The following CCDC171 variants were observed in gnomAD, a reference collection of about 807,000 sequenced individuals.
The protein encoded by CCDC171 is coiled-coil domain containing 171, also known as coiled-coil domain-containing protein 171.
In CCDC171, 177 loss-of-function variants were observed where a neutral mutation model predicts 168.2. The observed-to-expected ratio is 1.05, with a 90% confidence interval of 0.93 to 1.19. CCDC171 has a LOEUF of 1.19. CCDC171 is among the 50% of genes most tolerant of loss of function. CCDC171 has a pLI of 0.00. For missense variants in CCDC171, 1,991 were observed against 1,539.0 expected, an observed-to-expected ratio of 1.29 and a Z score of -4.91; for synonymous variants, 687 against 540.8, an observed-to-expected ratio of 1.27 and a Z score of -3.75.
chr9:16,033,315 A>G (rs931456248), intron 6 of CCDC171, among the ~76,000 whole-genome samples: 4 of 152,216 alleles, frequency 2.6e-5, no homozygotes, highest in African/African-American at 9.6e-5. Context: ...GGTGAGTGGC[A>G]GGAGAGTGAT....
intron 18 of CCDC171, among the ~76,000 whole-genome samples, chr9:15,751,124 A>G (rs937763736): frequency 2.0e-5 from 3 of 152,208 alleles, no homozygotes; most frequent in Admixed American, 2.0e-4. Flanking sequence ...ATTCCTATAC[A>G]CCAGTAACAG....
At chr9:15,704,852 C>T (rs780299307) in intron 11 of CCDC171, among the ~76,000 whole-genome samples, 50 of 152,000 alleles carry the variant, frequency 3.3e-4, no homozygotes, top group Non-Finnish European at 7.1e-4. Context: ...CACCTTGTTT[C>T]CTAATGCCTC....
downstream of CCDC171, among the ~76,000 whole-genome samples, chr9:15,975,073 C>T (rs1031506162): frequency 1.1e-4 from 17 of 152,206 alleles, no homozygotes; most frequent in East Asian, 2.7e-3. Context: ...CCTCACTGTG[C>T]ACTTTTTATA....
intron 7 of CCDC171, among the ~76,000 whole-genome samples, chr9:15,646,488 T>G (rs1341114497): frequency 6.6e-6 from 1 of 152,204 alleles, no homozygotes; most frequent in Non-Finnish European, 1.5e-5. Context: ...CCCATCAGTG[T>G]GCTGTATTCA....
the CCDC171 span, among the ~76,000 whole-genome samples, chr9:16,083,445 A>G: frequency 2.0e-5 from 3 of 152,230 alleles, no homozygotes; most frequent in Non-Finnish European, 4.4e-5. Context: ...GATCACATCC[A>G]GAATATTTCC....
chr9:15,846,701 G>T lies in CCDC171; in HGVS notation c.3268-1G>T, dbSNP rs755383299. On this transcript the variant is annotated splice_acceptor_variant, in intron 21 of 25. Coordinates refer to ENST00000380701, the MANE Select transcript of CCDC171 (RefSeq NM_173550.4). LOFTEE classifies it high-confidence loss of function. ...TAACTCTGTTTTCTGTCTGCTTGCA[G>T]AGTCTCTCCGAGGCAAAGATGGAGC... is the stretch of plus-strand genomic sequence containing the variant. The T allele has an allele frequency of 1.2e-6, 2 of 1,612,396 alleles. No homozygotes were observed. The highest frequency in any genetic ancestry group is 4.5e-5 in the East Asian group (2 of 44,846).
intron 4 of CCDC171, chr9:15,588,467 A>G (rs530756930): frequency 6.8e-6 from 2 of 295,664 alleles, no homozygotes; most frequent in East Asian, 2.1e-4. Flanking sequence ...CGCAAGCCCA[A>G]AAAGCCTTCT....
At chr9:15,574,579 G>A (rs1370070359) in intron 3 of CCDC171, among the ~76,000 whole-genome samples, 1 of 152,164 alleles carries the variant, frequency 6.6e-6, no homozygotes, top group African/African-American at 2.4e-5. Flanking sequence ...GAGCCACTGT[G>A]CCTGGCCTTC....
the CCDC171 span, among the ~76,000 whole-genome samples, chr9:16,079,210 G>C: frequency 6.6e-6 from 1 of 152,154 alleles, no homozygotes; most frequent in Non-Finnish European, 1.5e-5. Context: ...TCTGATCCAC[G>C]GGCCATCTGA....
At position 15,744,315 on chromosome 9, in the gene CCDC171, C is replaced by G. The variant is rs769364469; in HGVS notation, c.2092C>G (p.His698Asp). Residue 698 changes from histidine to aspartate, a missense_variant, in exon 17 of 26, where the codon CAT becomes GAT. By Grantham distance (81) the His-to-Asp change is moderately conservative (BLOSUM62 -1). Transcript: ENST00000380701. ...TGAAAAAAACATGGAAAAATTGAACCATATTGAGAAGTCACATGAACAGTT... is the reference window on the plus strand; with the variant it reads ...TGAAAAAAACATGGAAAAATTGAACGATATTGAGAAGTCACATGAACAGTT... ...IAEKNMEKLN[H>D]IEKSHEQLVL... The G allele has an allele frequency of 4.3e-5, 69 of 1,593,138 alleles. No individual in the cohort carries two copies. The highest frequency in any genetic ancestry group is 5.9e-5 in the Non-Finnish European group (69 of 1,173,236).
intron 14 of CCDC171, among the ~76,000 whole-genome samples, chr9:15,726,708 A>G (rs2053827187): frequency 1.3e-5 from 2 of 152,104 alleles, no homozygotes; most frequent in Non-Finnish European, 1.5e-5. Flanking sequence ...TATAATTTCT[A>G]ATTATAAAAC....
upstream of CCDC171, chr9:16,042,778 T>C (rs891261556): frequency 2.0e-5 from 3 of 152,204 alleles, no homozygotes; most frequent in African/African-American, 4.8e-5. Flanking sequence ...AACTCTTTTT[T>C]TTGTTTTCAT....
At chr9:15,984,726 T>C (rs1043888177) in intron 3 of CCDC171, among the ~76,000 whole-genome samples, 2 of 152,122 alleles carry the variant, frequency 1.3e-5, no homozygotes, top group African/African-American at 4.8e-5. Flanking sequence ...ATTTGATATT[T>C]GATGAAAAGG....
At chr9:15,905,408 G>A (rs1450390629) in intron 24 of CCDC171, among the ~76,000 whole-genome samples, 1 of 152,130 alleles carries the variant, frequency 6.6e-6, no homozygotes, top group African/African-American at 2.4e-5. Context: ...TGAACAACCT[G>A]CTCCTGAATG....
chr9:15,788,663 C>T (rs1035782211), intron 21 of CCDC171, among the ~76,000 whole-genome samples: 1 of 151,556 alleles, frequency 6.6e-6, no homozygotes, highest in African/African-American at 2.4e-5. Context: ...AATTCTCCTG[C>T]CTCACCCTAT....
chr9:16,097,623 T>C, the CCDC171 span, among the ~76,000 whole-genome samples: 16 of 152,184 alleles, frequency 1.1e-4, no homozygotes, highest in African/African-American at 3.9e-4. Context: ...GGATGAATCT[T>C]TACCTAGCAT....
chr9:15,701,646 C>G (rs2051754720), intron 11 of CCDC171, among the ~76,000 whole-genome samples: 1 of 144,364 alleles, frequency 6.9e-6, no homozygotes, highest in Non-Finnish European at 1.5e-5. Flanking sequence ...GTGGCACGAT[C>G]TTGGCTCACT....
the CCDC171 span, among the ~76,000 whole-genome samples, chr9:16,074,821 T>C: frequency 1.5e-4 from 23 of 151,934 alleles, no homozygotes; most frequent in African/African-American, 5.3e-4. Context: ...GTATGAAAAA[T>C]GGGCTGGAGA....
At chr9:15,687,889 G>A (rs1421491861) in intron 10 of CCDC171, among the ~76,000 whole-genome samples, 1 of 152,104 alleles carries the variant, frequency 6.6e-6, no homozygotes, top group Non-Finnish European at 1.5e-5. Context: ...GGGAGGCCAA[G>A]GTGGGCAGAT....
Sources: allele counts gnomAD v4.1 joint callset (sites outside exome capture counted in the v4.1 genomes callset), GRCh38; gene constraint gnomAD v4.1.1; transcripts MANE v1.5; gene names NCBI Gene and HGNC (gene_info 2026-07-23, HGNC 2026-07-21).